CPNE8: variants seen among roughly 807,000 people sequenced by gnomAD.
CPNE8 encodes copine-8.
Under a neutral mutation model 81.5 loss-of-function variants are expected in CPNE8, and 45 were observed. The ratio of observed to expected loss-of-function variants is 0.55; its 90% CI spans 0.44 to 0.71. CPNE8 has a LOEUF of 0.71. Among genes scored for constraint, CPNE8 ranks in the 30% least tolerant of loss-of-function variants. The pLI is 0.00. For missense variants in CPNE8, 594 were observed against 672.1 expected (o/e 0.88, Z 1.28); for synonymous variants, 252 against 226.3 (o/e 1.11, Z -1.02).
intron 1 of CPNE8, among the ~76,000 whole-genome samples, chr12:38,895,082 T>C (rs1050258033): frequency 2.0e-5 from 3 of 152,112 alleles, no homozygotes; most frequent in African/African-American, 7.2e-5. Context: ...AATGTGTCAC[T>C]TGTTACTTAT....
intron 3 of CPNE8, among the ~76,000 whole-genome samples, chr12:38,860,596 A>G (rs758864385): frequency 5.3e-5 from 8 of 151,080 alleles, no homozygotes; most frequent in African/African-American, 1.2e-4. Context: ...TTGAAGAGAT[A>G]TCTACACTCC....
At chr12:38,728,201 C>G (rs1940747159) in intron 11 of CPNE8, among the ~76,000 whole-genome samples, 1 of 152,028 alleles carries the variant, frequency 6.6e-6, no homozygotes, top group Non-Finnish European at 1.5e-5. Flanking sequence ...AAAGTATAGC[C>G]CACACTTTTC....
intron 8 of CPNE8, among the ~76,000 whole-genome samples, chr12:38,764,687 T>C (rs950535962): frequency 6.6e-6 from 1 of 150,968 alleles, no homozygotes; most frequent in African/African-American, 2.4e-5. Context: ...GAGCTGTATG[T>C]TGGTTTGTTT....
At chr12:38,768,044 C>T (rs1225271424) in intron 7 of CPNE8, among the ~76,000 whole-genome samples, 4 of 151,654 alleles carry the variant, frequency 2.6e-5, no homozygotes, top group Admixed American at 1.3e-4. Flanking sequence ...GATCCTCATT[C>T]ATATCTTCAG....
chr12:38,890,588 GGAA>G (rs1944300683), intron 1 of CPNE8, among the ~76,000 whole-genome samples: 2 of 152,134 alleles, frequency 1.3e-5, no homozygotes, highest in African/African-American at 4.8e-5. Context: ...TACAGAGTCT[GGAA>G]GAAGTACATT....
chr12:38,874,107 T>G (rs1175624862), intron 2 of CPNE8, among the ~76,000 whole-genome samples: 3 of 151,832 alleles, frequency 2.0e-5, no homozygotes, highest in African/African-American at 7.2e-5. Flanking sequence ...ACCACCACTT[T>G]CATTTAAAAA....
At chr12:38,729,952 G>C (rs575883058) in intron 11 of CPNE8, among the ~76,000 whole-genome samples, 1 of 127,826 alleles carries the variant, frequency 7.8e-6, no homozygotes, top group South Asian at 2.4e-4. Context: ...CCACAAAAAT[G>C]CTAATCTTCT....
At chr12:38,705,877 T>C (rs1940095135) in intron 13 of CPNE8, among the ~76,000 whole-genome samples, 1 of 152,034 alleles carries the variant, frequency 6.6e-6, no homozygotes, top group African/African-American at 2.4e-5. Context: ...CATGAGATAT[T>C]ACATATACAT....
intron 16 of CPNE8, among the ~76,000 whole-genome samples, chr12:38,678,495 C>A (rs971880848): frequency 6.6e-6 from 1 of 151,950 alleles, no homozygotes; most frequent in East Asian, 1.9e-4. Flanking sequence ...AGATCTTGAT[C>A]TGTATTTCTA....
intron 13 of CPNE8, among the ~76,000 whole-genome samples, chr12:38,704,570 C>T (rs1235802950): frequency 6.6e-6 from 1 of 151,770 alleles, no homozygotes. Context: ...TTACTCTAGC[C>T]TATTTTACTG....
chr12:38,877,300 C>A (rs1010691953), intron 1 of CPNE8, among the ~76,000 whole-genome samples: 1 of 152,098 alleles, frequency 6.6e-6, no homozygotes, highest in African/African-American at 2.4e-5. Context: ...AGGCCAAACC[C>A]ACTATATTTT....
At chr12:38,799,021 C>T (rs1396389713) in intron 6 of CPNE8, among the ~76,000 whole-genome samples, 2 of 152,110 alleles carry the variant, frequency 1.3e-5, no homozygotes, top group African/African-American at 2.4e-5. Flanking sequence ...TATATTCACC[C>T]AATACAGGAG....
chr12:38,815,374 A>G (rs1437254483), intron 6 of CPNE8, among the ~76,000 whole-genome samples: 4 of 152,282 alleles, frequency 2.6e-5, no homozygotes, highest in East Asian at 3.8e-4. Context: ...CATATTAAAT[A>G]TTAGTTGTCA....
At chr12:38,735,618 A>C (rs2136777675) in intron 10 of CPNE8, among the ~76,000 whole-genome samples, 1 of 152,166 alleles carries the variant, frequency 6.6e-6, no homozygotes, top group South Asian at 2.1e-4. Context: ...ACCTTCACTG[A>C]TTCTTACAGA....
intron 4 of CPNE8, among the ~76,000 whole-genome samples, chr12:38,840,475 A>G (rs191933090): frequency 5.2e-4 from 79 of 152,306 alleles, no homozygotes; most frequent in African/African-American, 1.8e-3. Context: ...AGGATACCCA[A>G]GTCTCTCTGT....
intron 6 of CPNE8, among the ~76,000 whole-genome samples, chr12:38,794,614 C>A (rs557456705): frequency 8.4e-4 from 127 of 151,148 alleles, no homozygotes; most frequent in African/African-American, 3.0e-3. Flanking sequence ...CACCTCATAG[C>A]CATGAGGATA....
Position 38,730,372 on chromosome 12 carries a change from A to AG in CPNE8, c.723-15_723-14insC, listed in dbSNP as rs762010491. On this transcript the variant is annotated splice_polypyrimidine_tract_variant and intron_variant, in intron 10 of 19. Transcript: ENST00000331366. ...ATGAAATCATGACTAAAATTAAAGG[A>AG]AAAAAGTACATAATATTGGCTTTCA... 3.1e-6 allele frequency: 4 copies of AG among 1,302,412 alleles called. No individual in the cohort carries two copies. Among genetic ancestry groups the AG allele is most frequent in the Non-Finnish European group, 3.1e-6 (3 of 970,590 alleles). The allele number at this position is 1,302,412 out of a possible 1,614,324, so 80.7% of individuals were successfully genotyped here. A position where few individuals can be genotyped will look rare whatever the true frequency, so the allele number is the denominator to read the frequency against.
chr12:38,717,458 T>TATATATATATATATATACAC (rs1339046227), intron 13 of CPNE8, among the ~76,000 whole-genome samples: 1 of 138,730 alleles, frequency 7.2e-6, no homozygotes, highest in Non-Finnish European at 1.6e-5. Context: ...TATATATATA[T>TATATATATATATATATACAC]ACACCATGGA....
chr12:38,684,348 G>C (rs539183487), intron 16 of CPNE8, among the ~76,000 whole-genome samples: 1 of 152,180 alleles, frequency 6.6e-6, no homozygotes, highest in South Asian at 2.1e-4. Context: ...TAGAAATAAA[G>C]ATAAAACAGG....
Sources: allele counts gnomAD v4.1 joint callset (sites outside exome capture counted in the v4.1 genomes callset), GRCh38; gene constraint gnomAD v4.1.1; transcripts MANE v1.5; gene names NCBI Gene and HGNC (gene_info 2026-07-23, HGNC 2026-07-21).